Variants in CCNJ observed in about 807,000 individuals in gnomAD.
The protein encoded by CCNJ is cyclin J.
In CCNJ, 12 loss-of-function variants were observed where a neutral mutation model predicts 41.4. The observed-to-expected ratio is 0.29, with a 90% confidence interval of 0.19 to 0.47. The LOEUF (loss-of-function observed/expected upper bound fraction) is 0.47. Ranked by LOEUF, CCNJ falls within the 20% of genes least tolerant of loss-of-function variation. CCNJ has a pLI of 1.00. For synonymous variants in CCNJ, 161 were observed against 173.4 expected (o/e 0.93, Z 0.56); for missense variants, 340 against 464.6 (o/e 0.73, Z 2.47).
chr10:96,047,366 G>T (rs2080393084), intron 2 of CCNJ, among the ~76,000 whole-genome samples: 1 of 152,104 alleles, frequency 6.6e-6, no homozygotes. Flanking sequence ...AATTTTTTTG[G>T]CCAGGCATGG....
In CCNJ at chr10:96,043,634, C is replaced by A; in HGVS notation, c.-127C>A. 2.5e-6 allele frequency: 1 copy of A among 395,002 alleles called. No homozygotes were observed. The highest frequency in any genetic ancestry group is 3.6e-5 in the East Asian group (1 of 27,858). 24.5% of individuals were successfully genotyped at this position (395,002 alleles called of 1,614,324 possible). On this transcript the variant is annotated 5_prime_UTR_variant, in exon 1 of 6. Coordinates refer to ENST00000465148, the MANE Select transcript of CCNJ (RefSeq NM_001134375.2). Reference sequence around the variant, plus strand: ...CGCTGGGCTCTAGCTGAGGCCGGCGCTTAGCGGCCCACTGTCCGCAGCATG... The same window carrying A: ...CGCTGGGCTCTAGCTGAGGCCGGCGATTAGCGGCCCACTGTCCGCAGCATG...
chr10:96,057,684 T>C (rs1176573533), intron 5 of CCNJ, 146 bp from the exon 6 acceptor site: 3 of 678,524 alleles, frequency 4.4e-6, no homozygotes, highest in Non-Finnish European at 5.1e-6. Flanking sequence ...AAGCGAGGTC[T>C]CACTGTTGTT....
Position 96,044,418 on chromosome 10 carries a change from C to G in CCNJ, c.25C>G (p.Arg9Gly). 1.3e-6 allele frequency: 2 copies of G among 1,562,114 alleles called. No homozygotes were observed. Among genetic ancestry groups the G allele is most frequent in the South Asian group, 1.2e-5 (1 of 85,384 alleles). MELEGQWW[R>G]GQLAADIHQA... Reference sequence around the variant, plus strand: ...CATGGAGCTGGAGGGGCAGTGGTGGCGAGGACAGCTGGCCGCCGATATTCA... The same window carrying G: ...CATGGAGCTGGAGGGGCAGTGGTGGGGAGGACAGCTGGCCGCCGATATTCA... Residue 9 changes from arginine (R) to glycine (G), a missense_variant, in exon 2 of 6, where the codon CGA (arginine) becomes GGA (glycine). Transcript: ENST00000465148.
At chr10:96,050,544 A>G (rs1250622818) in intron 3 of CCNJ, 78 bp downstream of exon 3, 1 of 1,005,260 alleles carries the variant, frequency 9.9e-7, no homozygotes. Flanking sequence ...GAACTCAGTG[A>G]AATATCATCA....
In CCNJ at chr10:96,058,005, T is replaced by A. The variant is rs1489423901; in HGVS notation, c.916T>A (p.Ser306Thr). The change falls in exon 6 of 6, where the codon TCA (serine) becomes ACA (threonine). Residue 306 changes from serine to threonine, a missense_variant. By Grantham distance (58) the Ser-to-Thr change is moderately conservative. Around this residue, in one of 3 missense-constraint regions of CCNJ, gnomAD observed 159 missense variants for 168.2 expected, o/e 0.95. Coordinates refer to ENST00000465148, the MANE Select transcript of CCNJ (RefSeq NM_001134375.2). ...QTSLQYRHPT[S>T]EQPSCQQIVS... ...CTCACTGCAGTATCGCCATCCTACGTCAGAACAACCAAGCTGTCAGCAGAT... is the reference window on the plus strand; with the variant it reads ...CTCACTGCAGTATCGCCATCCTACGACAGAACAACCAAGCTGTCAGCAGAT... 2 of 1,613,968 alleles carry A rather than the reference T, an allele frequency of 1.2e-6. No individual in the cohort carries two copies. Among genetic ancestry groups the A allele is most frequent in the African/African-American group, 2.7e-5 (2 of 74,868 alleles).
intron 3 of CCNJ, among the ~76,000 whole-genome samples, chr10:96,053,837 A>G (rs1591011853): frequency 6.6e-6 from 1 of 152,224 alleles, no homozygotes; most frequent in African/African-American, 2.4e-5. Flanking sequence ...TAATGAGCTC[A>G]GAATTTTTTT....
intron 1 of CCNJ, among the ~76,000 whole-genome samples, chr10:96,043,974 G>A (rs2080286334): frequency 6.6e-6 from 1 of 152,206 alleles, no homozygotes; most frequent in South Asian, 2.1e-4. Flanking sequence ...GGGGCTATGA[G>A]CGTGTCACCT....
intron 1 of CCNJ, 48 bp from the exon 2 acceptor site, chr10:96,044,304 AG>A: frequency 9.3e-7 from 1 of 1,073,372 alleles, no homozygotes; most frequent in South Asian, 2.7e-5. Context: ...GGGGGCGCAG[AG>A]GGTCGCGGGG....
rs139864905 is a variant in CCNJ at position 96,050,944 on chromosome 10, C to T, written c.280+478C>T. ...ATCTAGTACATAGAGGCCTGGGATG[C>T]TGCTAAACATCCGGTAGTGTACAGG... is the stretch of plus-strand genomic sequence containing the variant. On this transcript the variant is annotated intron_variant, in intron 3 of 5. Coordinates refer to ENST00000465148, the MANE Select transcript of CCNJ (RefSeq NM_001134375.2). Among the ~76,000 whole-genome samples the T allele has an allele frequency of 7.8e-3, 1,189 of 152,246 alleles. 16 individuals are homozygous for T. Among genetic ancestry groups the T allele is most frequent in the African/African-American group, 0.026 (1,070 of 41,534 alleles).
At chr10:96,043,438 C>T (rs2080267529), upstream of CCNJ, 1 of 378,746 alleles carries the variant, frequency 2.6e-6, no homozygotes, top group East Asian at 3.8e-5. Flanking sequence ...GCCGCGCCGC[C>T]GCCTGGCGCT....
intron 1 of CCNJ, 69 bp from the exon 2 acceptor site, chr10:96,044,284 C>G (rs1457500186): frequency 1.2e-6 from 1 of 835,970 alleles, no homozygotes; most frequent in East Asian, 3.1e-5. Flanking sequence ...GAGGTCACAC[C>G]CCCCGGGGAG....
intron 2 of CCNJ, among the ~76,000 whole-genome samples, chr10:96,046,637 T>C (rs527469336): frequency 2.0e-5 from 3 of 152,308 alleles, no homozygotes; most frequent in Non-Finnish European, 4.4e-5. Flanking sequence ...GCAGTTGCCA[T>C]TGAGATACTG....
chr10:96,047,462 A>G (rs2080395692), intron 2 of CCNJ, among the ~76,000 whole-genome samples: 1 of 152,150 alleles, frequency 6.6e-6, no homozygotes, highest in Admixed American at 6.5e-5. Context: ...AGCCTGGGCA[A>G]CATAGCGAGA....
At chr10:96,051,562 T>C (rs372760800) in intron 3 of CCNJ, among the ~76,000 whole-genome samples, 2 of 152,184 alleles carry the variant, frequency 1.3e-5, no homozygotes, top group African/African-American at 4.8e-5. Context: ...AAGGAGTATG[T>C]AGATATACTG....
chr10:96,043,844 C>T (rs140862853), intron 1 of CCNJ, 125 bp downstream of exon 1: 3 of 381,996 alleles, frequency 7.9e-6, no homozygotes, highest in Non-Finnish European at 9.3e-6. Context: ...TCTGAGGCCG[C>T]GCGGAACGTG....
intron 3 of CCNJ, among the ~76,000 whole-genome samples, chr10:96,055,074 A>T (rs529670320): frequency 1.3e-5 from 2 of 152,324 alleles, no homozygotes; most frequent in South Asian, 4.1e-4. Flanking sequence ...TAACTATGTC[A>T]TACAGACCAC....
rs770450643 is a variant in CCNJ, at chr10:96,050,343, C to T, written c.157C>T (p.Arg53Cys). The change falls in exon 3 of 6, where the codon CGC becomes TGC. Residue 53 changes from arginine to cysteine, a missense_variant. Coordinates refer to ENST00000465148, the MANE Select transcript of CCNJ (RefSeq NM_001134375.2). ...TGACTTGATTGCCATTGTGAGCAAT[C>T]GCTTCACACTCTGCCCTTCTGCCCG... ...FADLIAIVSNRFTLCPSARHL... is the reference protein window; with the variant it reads ...FADLIAIVSNCFTLCPSARHL... 5 of 1,613,826 alleles carry T rather than the reference C, an allele frequency of 3.1e-6. No homozygotes were observed. The highest frequency in any genetic ancestry group is 4.5e-5 in the East Asian group (2 of 44,894).
intron 1 of CCNJ, 32 bp from the exon 2 acceptor site, chr10:96,044,321 G>C (rs1259306148): frequency 1.4e-5 from 17 of 1,255,250 alleles, no homozygotes; most frequent in Non-Finnish European, 1.8e-5. Flanking sequence ...CGGGGGAGCC[G>C]GCAGTGACCG....
At position 96,056,910 on chromosome 10, in the gene CCNJ, C is replaced by G; in HGVS notation, c.490C>G (p.Leu164Val). ...CTCTGAAGCAGTACACGAAACAGAT[C>G]TTCATGACGGCTGGCCAATGATTTG... ...YLSEAVHETD[L>V]HDGWPMICLE... is the part of the protein sequence containing the mutation. The change falls in exon 4 of 6, where the codon CTT becomes GTT. Residue 164 changes from leucine to valine, a missense_variant. By Grantham distance (32) the Leu-to-Val change is conservative. Transcript: ENST00000465148. 2 of 1,614,160 alleles carry G rather than the reference C, an allele frequency of 1.2e-6. No homozygotes were observed. Among genetic ancestry groups the G allele is most frequent in the Non-Finnish European group, 1.7e-6 (2 of 1,180,000 alleles).
Sources: gnomAD v4.1 joint callset for allele counts (sites outside exome capture counted in the v4.1 genomes callset) on GRCh38, gnomAD v4.1.1 for gene constraint, gnomAD v4.1.1 regional missense constraint, MANE v1.5 for transcripts, NCBI Gene and HGNC (gene_info 2026-07-23, HGNC 2026-07-21) for gene names.